C8orf34: variants seen among roughly 807,000 people sequenced by gnomAD.
C8orf34 encodes the protein chromosome 8 open reading frame 34, also known as uncharacterized protein C8orf34.
C8orf34 carries 65 observed loss-of-function variants against 68.3 expected under a neutral mutation model. That is an observed-to-expected ratio of 0.95 (90% confidence interval 0.78 to 1.17). The LOEUF (loss-of-function observed/expected upper bound fraction) is 1.17, where lower values mean the gene tolerates loss of function less well. Among genes scored for constraint, C8orf34 ranks in the 50% most tolerant of loss-of-function variants. The pLI, the probability that C8orf34 is intolerant of heterozygous loss-of-function variation, is 0.00. For missense variants in C8orf34, 664 were observed against 655.4 expected (o/e 1.01, Z -0.14); for synonymous variants, 244 against 241.2 (o/e 1.01, Z -0.11).
rs1554577324 is a variant in C8orf34 at position 68,553,405 on chromosome 8, A to AAAAAAAAC, written c.1105+20261_1105+20262insAACAAAAA. ...ATCTCAAAAAAAAAAAAAAAAAAAA[A>AAAAAAAAC]AAAAACATATCCTCCACTCATTTTT... is the stretch of plus-strand genomic sequence containing the variant. On this transcript the variant is annotated intron_variant, in intron 7 of 13. Coordinates refer to ENST00000518698, the MANE Select transcript of C8orf34 (RefSeq NM_052958.4). Among the ~76,000 whole-genome samples the AAAAAAAAC allele has an allele frequency of 3.6e-3, 503 of 141,076 alleles. 23 individuals carry two copies. Among genetic ancestry groups the AAAAAAAAC allele is most frequent in the African/African-American group, 0.013 (455 of 35,194 alleles). The allele number at this position is 141,076 out of a possible 152,430, so 92.6% of individuals were successfully genotyped here.
intron 1 of C8orf34, among the ~76,000 whole-genome samples, chr8:68,334,650 A>G (rs1054617238): frequency 7.9e-5 from 12 of 152,054 alleles, no homozygotes; most frequent in Non-Finnish European, 1.8e-4. Context: ...TCATAAAATC[A>G]CCATGGAATT....
intron 7 of C8orf34, among the ~76,000 whole-genome samples, chr8:68,574,535 A>T (rs1360929230): frequency 6.6e-6 from 1 of 152,114 alleles, no homozygotes; most frequent in Non-Finnish European, 1.5e-5. Context: ...AAATTTTTGG[A>T]ACTGCAGAAT....
chr8:68,689,477 G>T (rs1319832440), intron 8 of C8orf34, among the ~76,000 whole-genome samples: 2 of 152,078 alleles, frequency 1.3e-5, no homozygotes, highest in African/African-American at 2.4e-5. Context: ...AGGTAATGTG[G>T]CCTCACAGCC....
At chr8:68,419,478 G>C (rs1809844820) in intron 1 of C8orf34, among the ~76,000 whole-genome samples, 1 of 151,650 alleles carries the variant, frequency 6.6e-6, no homozygotes, top group South Asian at 2.1e-4. Context: ...CCATTACTGG[G>C]TATATACCCA....
chr8:68,532,115 C>T (rs974298986), intron 6 of C8orf34, among the ~76,000 whole-genome samples: 14 of 151,948 alleles, frequency 9.2e-5, no homozygotes, highest in African/African-American at 3.1e-4. Flanking sequence ...AACTGAGTGG[C>T]GACAATGAAT....
intron 7 of C8orf34, among the ~76,000 whole-genome samples, chr8:68,592,911 T>C (rs1817440537): frequency 6.6e-6 from 1 of 152,084 alleles, no homozygotes; most frequent in Non-Finnish European, 1.5e-5. Context: ...CATCTTTTGT[T>C]CTTTTTCTTC....
chr8:68,742,254 T>C (rs1822317119), intron 10 of C8orf34, among the ~76,000 whole-genome samples: 1 of 152,226 alleles, frequency 6.6e-6, no homozygotes, highest in Non-Finnish European at 1.5e-5. Flanking sequence ...ACTCTCCATT[T>C]AGCCTTCCTT....
chr8:68,500,711 C>A (rs1421703698), intron 5 of C8orf34, among the ~76,000 whole-genome samples: 1 of 152,040 alleles, frequency 6.6e-6, no homozygotes, highest in Non-Finnish European at 1.5e-5. Flanking sequence ...AAAGTGTCAA[C>A]CAAAATAGTA....
intron 8 of C8orf34, among the ~76,000 whole-genome samples, chr8:68,698,469 A>C (rs1820898114): frequency 6.6e-6 from 1 of 152,052 alleles, no homozygotes; most frequent in Non-Finnish European, 1.5e-5. Context: ...AGAAGGAGAG[A>C]GACTGGCTAT....
intron 10 of C8orf34, among the ~76,000 whole-genome samples, chr8:68,752,451 T>C (rs1170450331): frequency 2.6e-5 from 4 of 152,144 alleles, no homozygotes; most frequent in Non-Finnish European, 2.9e-5. Context: ...CCCAACTTTA[T>C]ACAATGACAT....
chr8:68,690,550 A>G (rs1033344731), intron 8 of C8orf34, among the ~76,000 whole-genome samples: 1 of 151,978 alleles, frequency 6.6e-6, no homozygotes, highest in Non-Finnish European at 1.5e-5. Flanking sequence ...CTTCTAGCAG[A>G]GTACTCACAT....
intron 7 of C8orf34, among the ~76,000 whole-genome samples, chr8:68,556,865 A>G (rs2130118535): frequency 6.6e-6 from 1 of 152,320 alleles, no homozygotes; most frequent in South Asian, 2.1e-4. Flanking sequence ...TGTTGATTCT[A>G]GTAGCCATAT....
intron 1 of C8orf34, among the ~76,000 whole-genome samples, chr8:68,343,985 C>G (rs540762832): frequency 6.6e-6 from 1 of 152,226 alleles, no homozygotes; most frequent in East Asian, 1.9e-4. Flanking sequence ...TCTCGGCCTC[C>G]CAAAGTTCTG....
intron 1 of C8orf34, among the ~76,000 whole-genome samples, chr8:68,357,014 A>T (rs1424770694): frequency 6.6e-6 from 1 of 152,106 alleles, no homozygotes; most frequent in Non-Finnish European, 1.5e-5. Flanking sequence ...CATAAGATTT[A>T]TCATAATTGT....
At chr8:68,761,456 T>G (rs886941554) in intron 10 of C8orf34, among the ~76,000 whole-genome samples, 4 of 152,184 alleles carry the variant, frequency 2.6e-5, no homozygotes, top group Non-Finnish European at 5.9e-5. Flanking sequence ...CCCTGAAACT[T>G]TCATCTATAA....
intron 4 of C8orf34, among the ~76,000 whole-genome samples, chr8:68,487,653 T>G (rs1021625012): frequency 6.6e-6 from 1 of 152,200 alleles, no homozygotes; most frequent in Non-Finnish European, 1.5e-5. Flanking sequence ...GAATCTAAAT[T>G]CTTAACAAGG....
chr8:68,337,615 A>G (rs1805905694), intron 1 of C8orf34, among the ~76,000 whole-genome samples: 1 of 152,228 alleles, frequency 6.6e-6, no homozygotes, highest in African/African-American at 2.4e-5. Flanking sequence ...TACTTTTTCT[A>G]TAATTTAAAA....
intron 1 of C8orf34, among the ~76,000 whole-genome samples, chr8:68,434,917 C>T (rs1392770993): frequency 6.6e-6 from 1 of 151,812 alleles, no homozygotes; most frequent in Non-Finnish European, 1.5e-5. Context: ...GGCATGGTGG[C>T]ATGTGCCTGT....
chr8:68,535,265 A>G (rs941450759), intron 7 of C8orf34: 2 of 979,476 alleles, frequency 2.0e-6, no homozygotes, highest in African/African-American at 3.5e-5. Flanking sequence ...AAGATGCAAT[A>G]GAGACATCTG....
Sources: gnomAD v4.1 joint callset for allele counts (sites outside exome capture counted in the v4.1 genomes callset) on GRCh38, gnomAD v4.1.1 for gene constraint, MANE v1.5 for transcripts, NCBI Gene and HGNC (gene_info 2026-07-23, HGNC 2026-07-21) for gene names.